NCAM2: variants seen among roughly 807,000 people sequenced by gnomAD.
The protein encoded by NCAM2 is neural cell adhesion molecule 2.
Under a neutral mutation model 98.1 loss-of-function variants are expected in NCAM2, and 30 were observed. That is an observed-to-expected ratio of 0.31 (90% CI 0.23 to 0.41). The LOEUF (loss-of-function observed/expected upper bound fraction) is 0.41, where lower values mean the gene tolerates loss of function less well. NCAM2 is among the 10% of genes least tolerant of loss of function. The pLI, the probability that NCAM2 is intolerant of heterozygous loss-of-function variation, is 1.00. For missense variants in NCAM2, 867 were observed against 1,005.8 expected (o/e 0.86, Z 1.87); for synonymous variants, 368 against 342.4 (o/e 1.07, Z -0.83).
At position 21,327,804 on chromosome 21, in the gene NCAM2, A is replaced by G. The variant is rs570736809; in HGVS notation, c.737+3304A>G. ...AACATGTGAATTTGAGGGTTGGGAAAACCCAATTTAGTTCATAACATCAAT... is the reference window on the plus strand; with the variant it reads ...AACATGTGAATTTGAGGGTTGGGAAGACCCAATTTAGTTCATAACATCAAT... On this transcript the variant is annotated intron_variant, in intron 6 of 17. Coordinates refer to ENST00000400546, the MANE Select transcript of NCAM2 (RefSeq NM_004540.5). Among the ~76,000 whole-genome samples the G allele has an allele frequency of 2.6e-5, 4 of 152,310 alleles. No homozygotes were observed. In the East Asian group the frequency reaches 7.7e-4, roughly 29 times the overall value.
rs1014144098 is a variant in NCAM2 at position 21,060,748 on chromosome 21, C to A, written c.55+62130C>A. Among the ~76,000 whole-genome samples the A allele has an allele frequency of 3.9e-5, 6 of 151,920 alleles. No homozygotes were observed. In the East Asian group the frequency reaches 9.7e-4, roughly 24 times the overall value. On this transcript the variant is annotated intron_variant, in intron 1 of 17. Transcript: ENST00000400546. ...CACACATATAGTTTTATTTGAAGAG[C>A]CCATTTTTAACCTATTTGTTGGCTT...
intron 10 of NCAM2, among the ~76,000 whole-genome samples, chr21:21,414,225 A>G: frequency 6.6e-6 from 1 of 152,172 alleles, no homozygotes; most frequent in Non-Finnish European, 1.5e-5. Flanking sequence ...CCGCATCTGC[A>G]GTTACTTCCT....
In NCAM2 at chr21:21,402,669, G is replaced by A. The variant is rs145939819; in HGVS notation, c.1196-7605G>A. 2.0e-5 allele frequency among the ~76,000 whole-genome samples: 3 copies of A among 152,164 alleles called. No individual in the cohort carries two copies. The East Asian group carries it at 5.8e-4, about 29-fold the overall frequency. ...TTGAAATCCCTAATAAAAACTTGCTGGTTTTGTGGCTCAGGTGGGCATCAT... is the reference window on the plus strand; with the variant it reads ...TTGAAATCCCTAATAAAAACTTGCTAGTTTTGTGGCTCAGGTGGGCATCAT... On this transcript the variant is annotated intron_variant, in intron 9 of 17. Coordinates refer to ENST00000400546, the MANE Select transcript of NCAM2 (RefSeq NM_004540.5).
chr21:21,055,676 G>A (rs1445082260), intron 1 of NCAM2, among the ~76,000 whole-genome samples: 1 of 152,048 alleles, frequency 6.6e-6, no homozygotes, highest in African/African-American at 2.4e-5. Flanking sequence ...GGTGTTCAAG[G>A]TTAGCAGTTA....
intron 5 of NCAM2, among the ~76,000 whole-genome samples, chr21:21,300,789 T>G (rs1328532672): frequency 2.7e-5 from 4 of 149,428 alleles, no homozygotes; most frequent in Non-Finnish European, 4.5e-5. Context: ...TTACTTAGTT[T>G]TTTTCTCTAT....
At chr21:21,001,295 G>A (rs563516612) in intron 1 of NCAM2, among the ~76,000 whole-genome samples, 6 of 152,228 alleles carry the variant, frequency 3.9e-5, no homozygotes, top group African/African-American at 9.6e-5. Context: ...GTAGTAAGAC[G>A]CTTTTTTTTA....
chr21:21,479,102 T>C (rs1985521976), intron 15 of NCAM2, among the ~76,000 whole-genome samples: 1 of 152,180 alleles, frequency 6.6e-6, no homozygotes, highest in African/African-American at 2.4e-5. Context: ...ATCTCCCAAA[T>C]TTTTAATTTA....
At chr21:21,116,175 A>G (rs2066555759) in intron 1 of NCAM2, among the ~76,000 whole-genome samples, 1 of 152,118 alleles carries the variant, frequency 6.6e-6, no homozygotes, top group Admixed American at 6.5e-5. Flanking sequence ...ATTATTTTTA[A>G]GATGCTCCCA....
chr21:21,130,737 T>C (rs1047922105), intron 1 of NCAM2, among the ~76,000 whole-genome samples: 1 of 152,040 alleles, frequency 6.6e-6, no homozygotes, highest in Non-Finnish European at 1.5e-5. Context: ...ATTACCAATT[T>C]TTTTTTGGTG....
At chr21:21,036,615 G>A (rs1200704156) in intron 1 of NCAM2, among the ~76,000 whole-genome samples, 3 of 152,326 alleles carry the variant, frequency 2.0e-5, no homozygotes, top group Middle Eastern at 6.8e-3. Context: ...GTTCGTTGGG[G>A]AAAGTGTAGA....
intron 9 of NCAM2, among the ~76,000 whole-genome samples, chr21:21,382,444 C>T (rs179790): frequency 0.38 from 57,171 of 151,360 alleles, 11,121 homozygotes; most frequent in East Asian, 0.58. Flanking sequence ...CTCTTCAAGT[C>T]AACTGACTCT....
intron 1 of NCAM2, among the ~76,000 whole-genome samples, chr21:21,254,181 C>T (rs764941086): frequency 7.2e-5 from 11 of 152,162 alleles, no homozygotes; most frequent in Non-Finnish European, 1.3e-4. Flanking sequence ...TCAAAAGCCG[C>T]ACTTAGCACA....
At chr21:21,021,147 C>G (rs1425537244) in intron 1 of NCAM2, among the ~76,000 whole-genome samples, 2 of 152,060 alleles carry the variant, frequency 1.3e-5, no homozygotes, top group Non-Finnish European at 2.9e-5. Flanking sequence ...AAATGGGAAA[C>G]TATACTTAAG....
At chr21:21,328,621 A>T (rs1360407050) in intron 6 of NCAM2, among the ~76,000 whole-genome samples, 1 of 148,772 alleles carries the variant, frequency 6.7e-6, no homozygotes, top group Non-Finnish European at 1.5e-5. Context: ...AACAAGAAAA[A>T]ATATATATCC....
At chr21:21,262,584 G>A (rs895894420) in intron 1 of NCAM2, among the ~76,000 whole-genome samples, 1 of 140,042 alleles carries the variant, frequency 7.1e-6, no homozygotes. Flanking sequence ...TTAAGAACTG[G>A]TTCAGAAACA....
intron 1 of NCAM2, among the ~76,000 whole-genome samples, chr21:21,072,859 G>A (rs2065601122): frequency 6.6e-6 from 1 of 152,078 alleles, no homozygotes; most frequent in South Asian, 2.1e-4. Flanking sequence ...GCATTTTGAA[G>A]TGTGTAGTTC....
chr21:21,179,682 C>T (rs980098346), intron 1 of NCAM2, among the ~76,000 whole-genome samples: 5 of 152,116 alleles, frequency 3.3e-5, no homozygotes, highest in African/African-American at 9.7e-5. Flanking sequence ...GTAAACATCT[C>T]TGGTTAATAT....
chr21:21,257,547 A>C (rs2071720735), intron 1 of NCAM2, among the ~76,000 whole-genome samples: 1 of 152,178 alleles, frequency 6.6e-6, no homozygotes, highest in Non-Finnish European at 1.5e-5. Flanking sequence ...AGAATGTGGA[A>C]ACTATCATGT....
At chr21:21,477,181 G>A (rs1415782994) in intron 14 of NCAM2, 110 bp from the exon 15 acceptor site, 1 of 761,860 alleles carries the variant, frequency 1.3e-6, no homozygotes, top group Admixed American at 3.6e-5. Flanking sequence ...TATGAAAATT[G>A]TTCCAATATC....
Sources: allele counts gnomAD v4.1 joint callset (sites outside exome capture counted in the v4.1 genomes callset), GRCh38; gene constraint gnomAD v4.1.1; transcripts MANE v1.5; gene names NCBI Gene and HGNC (gene_info 2026-07-23, HGNC 2026-07-21).